Variants in DAB1 observed in about 807,000 individuals in gnomAD.
DAB1 encodes the protein DAB adaptor protein 1, also known as disabled homolog 1.
A neutral mutation model predicts 64.6 loss-of-function variants in DAB1; 15 were observed. That is an observed-to-expected ratio of 0.23 (90% CI 0.16 to 0.36). The LOEUF is 0.36. Among genes scored for constraint, DAB1 ranks in the 10% least tolerant of loss-of-function variants. DAB1 has a pLI of 1.00. For synonymous variants in DAB1, 235 were observed against 251.9 expected, an observed-to-expected ratio of 0.93 and a Z score of 0.64; for missense variants, 596 against 706.7, an observed-to-expected ratio of 0.84 and a Z score of 1.78.
At chr1:57,978,101 T>A (rs956214118) in intron 5 of DAB1, among the ~76,000 whole-genome samples, 3 of 152,164 alleles carry the variant, frequency 2.0e-5, no homozygotes, top group East Asian at 3.9e-4. Flanking sequence ...AGAGCCTGCA[T>A]AGCCAAGAAA....
rs75608042 is a variant in DAB1, at chr1:57,436,362, T to C, written n.626-145196A>G. Among the ~76,000 whole-genome samples the C allele has an allele frequency of 5.9e-3, 899 of 152,346 alleles. 4 individuals carry two copies. The highest frequency in any genetic ancestry group is 0.024 in the Middle Eastern group (7 of 294). On this transcript the variant is annotated intron_variant and non_coding_transcript_variant, in intron 7 of 20. Coordinates refer to the DAB1 transcript ENST00000485760. ...TTACAATCTTATAGGACCATCATCATATGACGGATCAAACTACTCTTAAGA... is the reference window on the plus strand; with the variant it reads ...TTACAATCTTATAGGACCATCATCACATGACGGATCAAACTACTCTTAAGA...
At chr1:57,951,837 G>T (rs1261029355) in intron 5 of DAB1, among the ~76,000 whole-genome samples, 1 of 152,112 alleles carries the variant, frequency 6.6e-6, no homozygotes, top group East Asian at 1.9e-4. Flanking sequence ...TACTACAGGT[G>T]TAACATTAAA....
chr1:57,096,440 T>A (rs776613073), intron 4 of DAB1, among the ~76,000 whole-genome samples: 1 of 152,164 alleles, frequency 6.6e-6, no homozygotes, highest in Non-Finnish European at 1.5e-5. Flanking sequence ...TGAAGAAAAA[T>A]TAAATTCAGC....
At chr1:58,091,971 C>T (rs1033834827) in intron 5 of DAB1, among the ~76,000 whole-genome samples, 5 of 150,312 alleles carry the variant, frequency 3.3e-5, no homozygotes, top group African/African-American at 9.8e-5. Flanking sequence ...CACACACAAA[C>T]TAACATAGCT....
rs767152686 is a variant in DAB1, at chr1:58,480,942, T to A, written n.257+25118A>T. 13 of 850,462 alleles carry A rather than the reference T, an allele frequency of 1.5e-5. No homozygotes were observed. In the Admixed American group the frequency reaches 1.9e-4, roughly 13 times the overall value. The allele number at this position is 850,462 out of a possible 1,614,324, so 52.7% of individuals were successfully genotyped here. ...TAAGGACTGCAACATTCTTCATATA[T>A]CTTGTGTCTCATAAATTTTAATTCA... On this transcript the variant is annotated intron_variant and non_coding_transcript_variant, in intron 3 of 20. Transcript: ENST00000485760.
chr1:58,162,939 T>C (rs1049315546), intron 4 of DAB1, among the ~76,000 whole-genome samples: 2 of 152,164 alleles, frequency 1.3e-5, no homozygotes, highest in Non-Finnish European at 2.9e-5. Context: ...ACAGTCTTAA[T>C]TGTCACAACT....
chr1:58,479,888 A>G lies in DAB1; in HGVS notation n.257+26172T>C, dbSNP rs117785497. On this transcript the variant is annotated intron_variant and non_coding_transcript_variant, in intron 3 of 20. Coordinates refer to the DAB1 transcript ENST00000485760. Reference sequence around the variant, plus strand: ...TAATAAAACCTAGTAGGGTTATGGAATAAAGATAAATATAGGGCCCAGTTC... The same window carrying G: ...TAATAAAACCTAGTAGGGTTATGGAGTAAAGATAAATATAGGGCCCAGTTC... Among the ~76,000 whole-genome samples the G allele has an allele frequency of 5.6e-4, 86 of 152,324 alleles. 1 individual carries two copies. In the East Asian group the frequency reaches 0.01, roughly 18 times the overall value.
At chr1:57,659,456 C>G (rs1317141027) in intron 6 of DAB1, among the ~76,000 whole-genome samples, 1 of 152,056 alleles carries the variant, frequency 6.6e-6, no homozygotes, top group Non-Finnish European at 1.5e-5. Flanking sequence ...CCGGAACGTA[C>G]CAGGAGCAGC....
intron 1 of DAB1, among the ~76,000 whole-genome samples, chr1:57,327,497 G>C (rs989434201): frequency 6.6e-6 from 1 of 152,018 alleles, no homozygotes; most frequent in Non-Finnish European, 1.5e-5. Flanking sequence ...CCAATCCTCC[G>C]GACGGCAGAT....
At chr1:58,251,782 G>A (rs917559623) in intron 4 of DAB1, among the ~76,000 whole-genome samples, 2 of 152,172 alleles carry the variant, frequency 1.3e-5, no homozygotes, top group Non-Finnish European at 2.9e-5. Context: ...TACAGGATTG[G>A]AAAGAGTGTG....
intron 2 of DAB1, among the ~76,000 whole-genome samples, chr1:57,232,538 G>A (rs1424024131): frequency 6.6e-6 from 1 of 152,030 alleles, no homozygotes; most frequent in African/African-American, 2.4e-5. Flanking sequence ...ACACTTTTGA[G>A]CTCTAACAGA....
At chr1:58,516,744 T>C (rs569782564) in intron 2 of DAB1, among the ~76,000 whole-genome samples, 22 of 152,174 alleles carry the variant, frequency 1.4e-4, no homozygotes, top group African/African-American at 4.8e-4. Flanking sequence ...ATATGACCAA[T>C]AGAACCATCT....
intron 2 of DAB1, among the ~76,000 whole-genome samples, chr1:57,179,859 T>A (rs138516218): frequency 1.3e-5 from 2 of 152,302 alleles, no homozygotes; most frequent in African/African-American, 4.8e-5. Context: ...TGGACATCAA[T>A]CCTTAGGATA....
chr1:58,502,531 C>T (rs563183908), intron 3 of DAB1, among the ~76,000 whole-genome samples: 24 of 152,308 alleles, frequency 1.6e-4, no homozygotes, highest in Admixed American at 5.9e-4. Context: ...AACATAACTT[C>T]ACCATACTGC....
chr1:57,520,595 T>C (rs568563727), intron 7 of DAB1, among the ~76,000 whole-genome samples: 5 of 152,154 alleles, frequency 3.3e-5, no homozygotes. Context: ...TTGAAAAAAA[T>C]GTCTATTAGA....
intron 4 of DAB1, among the ~76,000 whole-genome samples, chr1:57,078,498 G>T (rs1652193298): frequency 6.6e-6 from 1 of 151,980 alleles, no homozygotes; most frequent in African/African-American, 2.4e-5. Context: ...TACCATTTTT[G>T]CCACCAGAAT....
chr1:57,848,467 T>A (rs1653381866), intron 1 of DAB1, among the ~76,000 whole-genome samples: 1 of 152,260 alleles, frequency 6.6e-6, no homozygotes, highest in African/African-American at 2.4e-5. Flanking sequence ...TATAGTAATG[T>A]AATATAATAC....
chr1:57,951,332 A>ATATATATATATATATATATAT (rs1491577001), intron 5 of DAB1, among the ~76,000 whole-genome samples: 1 of 127,714 alleles, frequency 7.8e-6, no homozygotes, highest in Non-Finnish European at 1.8e-5. Context: ...ATATATATAT[A>ATATATATATATATATATATAT]CTTCCCTGGA....
intron 4 of DAB1, among the ~76,000 whole-genome samples, chr1:58,330,806 A>G (rs894627597): frequency 1.3e-5 from 2 of 152,226 alleles, no homozygotes; most frequent in Admixed American, 1.3e-4. Flanking sequence ...CTGCTCAGAT[A>G]AAAGATTCCT....
Sources: gnomAD v4.1 joint callset for allele counts (sites outside exome capture counted in the v4.1 genomes callset) on GRCh38, gnomAD v4.1.1 for gene constraint, MANE v1.5 for transcripts, NCBI Gene and HGNC (gene_info 2026-07-23, HGNC 2026-07-21) for gene names.